VPS26A: variants seen among roughly 807,000 people sequenced by gnomAD.
VPS26A encodes the protein VPS26 retromer complex component A.
Under a neutral mutation model 42.4 loss-of-function variants are expected in VPS26A, and 22 were observed. That is an observed-to-expected ratio of 0.52 (90% CI 0.37 to 0.74). The LOEUF (loss-of-function observed/expected upper bound fraction) is 0.74. VPS26A is among the 30% of genes least tolerant of loss of function. The probability of loss-of-function intolerance (pLI) is 0.00; values close to 1 mark genes in which losing one functional copy is unlikely to be tolerated. For synonymous variants in VPS26A, 110 were observed against 123.5 expected, an observed-to-expected ratio of 0.89 and a Z score of 0.73; for missense variants, 276 against 379.2, an observed-to-expected ratio of 0.73 and a Z score of 2.26.
chr10:69,132,702 C>T (rs1227384953), intron 1 of VPS26A, among the ~76,000 whole-genome samples, 196 bp from the exon 2 acceptor site: 1 of 152,106 alleles, frequency 6.6e-6, no homozygotes, highest in Non-Finnish European at 1.5e-5. Context: ...CTCAGCCTCC[C>T]AAAGTGCTGG....
chr10:69,124,271 G>A lies in VPS26A; in HGVS notation c.-7G>A. 1 of 1,278,080 alleles carries A rather than the reference G, an allele frequency of 7.8e-7. No individual in the cohort carries two copies. Among genetic ancestry groups the A allele is most frequent in the Non-Finnish European group, 9.9e-7 (1 of 1,006,990 alleles). 79.2% of individuals were successfully genotyped at this position (1,278,080 alleles called of 1,614,324 possible). On this transcript the variant is annotated 5_prime_UTR_variant, in exon 1 of 9. Transcript: ENST00000263559. ...GGAGTAGGGGGGACGCGGCGGCGGCGTTGACAATGGTGAGTGCGCGGCGGC... is the reference window on the plus strand; with the variant it reads ...GGAGTAGGGGGGACGCGGCGGCGGCATTGACAATGGTGAGTGCGCGGCGGC...
chr10:69,171,533 A>G lies in VPS26A; in HGVS notation c.*264A>G, dbSNP rs1047150111. The G allele has an allele frequency of 6.6e-6, 2 of 303,048 alleles. No homozygotes were observed. The highest frequency in any genetic ancestry group is 2.3e-5 in the African/African-American group (1 of 44,344). The allele number at this position is 303,048 out of a possible 1,614,324, so 18.8% of individuals were successfully genotyped here. ...TTTTTTTTAACTTCCTACTTTGATG[A>G]TAAGCACTCAGATATATATCAGCGT... On this transcript the variant is annotated 3_prime_UTR_variant, in exon 9 of 9. Coordinates refer to ENST00000263559, the MANE Select transcript of VPS26A (RefSeq NM_004896.5).
chr10:69,126,806 AAGAG>A (rs528478308), intron 1 of VPS26A, among the ~76,000 whole-genome samples: 105 of 152,264 alleles, frequency 6.9e-4, no homozygotes, highest in Non-Finnish European at 1.3e-3. Context: ...AAAACTTTGA[AAGAG>A]AGACTTTGGG....
intron 6 of VPS26A, among the ~76,000 whole-genome samples, chr10:69,164,915 C>T (rs1841652617): frequency 6.7e-6 from 1 of 149,778 alleles, no homozygotes; most frequent in African/African-American, 2.4e-5. Flanking sequence ...TTACTTTCTC[C>T]TCTAATATTG....
intron 6 of VPS26A, among the ~76,000 whole-genome samples, chr10:69,164,812 A>C (rs1841649983): frequency 6.6e-6 from 1 of 152,084 alleles, no homozygotes; most frequent in Admixed American, 6.6e-5. Context: ...GGTATGTATC[A>C]CCTTTACTTT....
At chr10:69,151,342 C>T (rs1239715211) in intron 2 of VPS26A, among the ~76,000 whole-genome samples, 5 of 150,306 alleles carry the variant, frequency 3.3e-5, no homozygotes, top group South Asian at 2.1e-4. Context: ...ATCCCAGCTA[C>T]TCAGGAGGCT....
intron 2 of VPS26A, among the ~76,000 whole-genome samples, chr10:69,134,150 A>G (rs1840852691): frequency 6.6e-6 from 1 of 152,320 alleles, no homozygotes; most frequent in African/African-American, 2.4e-5. Flanking sequence ...TAATATATTC[A>G]TGTGGTAGAC....
intron 2 of VPS26A, among the ~76,000 whole-genome samples, chr10:69,151,651 A>T (rs1841318119): frequency 6.6e-6 from 1 of 152,142 alleles, no homozygotes; most frequent in African/African-American, 2.4e-5. Context: ...GATCAAGGAA[A>T]ATTTCAGAGT....
intron 2 of VPS26A, among the ~76,000 whole-genome samples, chr10:69,142,203 T>TTTTTG (rs1841058942): frequency 9.1e-6 from 1 of 109,826 alleles, no homozygotes. Flanking sequence ...TTTTTTTTTT[T>TTTTTG]GAGGTGGGGT....
At chr10:69,153,752 C>G (rs1022958371) in intron 2 of VPS26A, among the ~76,000 whole-genome samples, 1 of 152,032 alleles carries the variant, frequency 6.6e-6, no homozygotes, top group Non-Finnish European at 1.5e-5. Flanking sequence ...AGGAGGATTG[C>G]TTGAGGCCAG....
chr10:69,140,431 G>A lies in VPS26A; in HGVS notation c.153+7384G>A, dbSNP rs10998600. 3.3e-3 allele frequency among the ~76,000 whole-genome samples: 501 copies of A among 152,098 alleles called. 7 individuals carry two copies. Among genetic ancestry groups the A allele is most frequent in the African/African-American group, 0.011 (471 of 41,470 alleles). On this transcript the variant is annotated intron_variant, in intron 2 of 8. Coordinates refer to ENST00000263559, the MANE Select transcript of VPS26A (RefSeq NM_004896.5). ...TCTGTCACCCATGTTGGAGTGCAGTGGCACGATTTCAGCTCACTGCAACCT... is the reference window on the plus strand; with the variant it reads ...TCTGTCACCCATGTTGGAGTGCAGTAGCACGATTTCAGCTCACTGCAACCT...
chr10:69,167,423 CAAAAAAAAGAAAAAGAAAAAGAA>C (rs1232117560), intron 7 of VPS26A, among the ~76,000 whole-genome samples: 1 of 110,842 alleles, frequency 9.0e-6, no homozygotes, highest in Non-Finnish European at 2.1e-5. Context: ...GATCCTGCCT[CAAAAAAAAGAAAAAGAAAAAGAA>C]AAAAAAAAGC....
intron 2 of VPS26A, among the ~76,000 whole-genome samples, chr10:69,143,556 C>A (rs1302148484): frequency 6.6e-6 from 1 of 152,100 alleles, no homozygotes; most frequent in Admixed American, 6.6e-5. Context: ...CAAAATAAAT[C>A]TAATCCTTTT....
At chr10:69,141,493 C>T (rs1210218506) in intron 2 of VPS26A, among the ~76,000 whole-genome samples, 2 of 152,162 alleles carry the variant, frequency 1.3e-5, no homozygotes, top group East Asian at 3.8e-4. Flanking sequence ...TCTCTAGAAA[C>T]AGTCTTGTTC....
At chr10:69,156,659 TA>T (rs1438889586) in intron 3 of VPS26A, among the ~76,000 whole-genome samples, 7 of 152,146 alleles carry the variant, frequency 4.6e-5, no homozygotes, top group African/African-American at 1.7e-4. Flanking sequence ...ATGAAGGTAA[TA>T]TATTTGCCTA....
At chr10:69,147,312 C>T (rs183301864) in intron 2 of VPS26A, among the ~76,000 whole-genome samples, 327 of 152,082 alleles carry the variant, frequency 2.2e-3, no homozygotes, top group African/African-American at 7.3e-3. Flanking sequence ...ATTCTGGTTA[C>T]AAGTCCAGAT....
In VPS26A at chr10:69,142,085, A is replaced by G. The variant is rs890330745; in HGVS notation, c.153+9038A>G. ...TTTTTAGTAGAGACGGGGTTTCACC[A>G]TGTTGGCCAGGATGGTCTCAATCTC... is the stretch of plus-strand genomic sequence containing the variant. On this transcript the variant is annotated intron_variant, in intron 2 of 8. Coordinates refer to ENST00000263559, the MANE Select transcript of VPS26A (RefSeq NM_004896.5). Among the ~76,000 whole-genome samples, 10 of 150,024 alleles carry G rather than the reference A, an allele frequency of 6.7e-5. No homozygotes were observed. In the East Asian group the frequency reaches 9.8e-4, roughly 15 times the overall value.
At chr10:69,156,466 C>T (rs1415574618) in intron 3 of VPS26A, among the ~76,000 whole-genome samples, 1 of 152,058 alleles carries the variant, frequency 6.6e-6, no homozygotes, top group Non-Finnish European at 1.5e-5. Context: ...ATACTGTCTA[C>T]ATAACTAGGC....
chr10:69,133,306 G>GA (rs958517660), intron 2 of VPS26A, among the ~76,000 whole-genome samples: 6 of 149,562 alleles, frequency 4.0e-5, no homozygotes, highest in African/African-American at 9.8e-5. Context: ...TGTGGTTCAT[G>GA]AAAAAAAAAA....
Sources: allele counts gnomAD v4.1 joint callset (sites outside exome capture counted in the v4.1 genomes callset), GRCh38; gene constraint gnomAD v4.1.1; transcripts MANE v1.5; gene names NCBI Gene and HGNC (gene_info 2026-07-23, HGNC 2026-07-21).